The following CHSY3 variants were observed in gnomAD, a reference collection of about 807,000 sequenced individuals.
CHSY3 encodes the protein N-acetylgalactosaminyl-proteoglycan 3-beta-glucuronosyltransferase 3.
CHSY3 carries 35 observed loss-of-function variants against 67.2 expected under a neutral mutation model. The ratio of observed to expected loss-of-function variants is 0.52; its 90% CI spans 0.40 to 0.69. The LOEUF (loss-of-function observed/expected upper bound fraction) is 0.69. Among genes scored for constraint, CHSY3 ranks in the 30% least tolerant of loss-of-function variants. The pLI, the probability that CHSY3 is intolerant of heterozygous loss-of-function variation, is 0.00. For synonymous variants in CHSY3, 474 were observed against 434.7 expected, an observed-to-expected ratio of 1.09 and a Z score of -1.12; for missense variants, 1,069 against 1,138.5, an observed-to-expected ratio of 0.94 and a Z score of 0.88.
At chr5:129,904,208 C>T (rs1476937713), upstream of CHSY3, among the ~76,000 whole-genome samples, 3 of 151,332 alleles carry the variant, frequency 2.0e-5, no homozygotes, top group South Asian at 6.2e-4. Flanking sequence ...GGGGCGTCGG[C>T]GCTGCAAGCC....
chr5:130,043,018 A>G (rs754917067), intron 2 of CHSY3, among the ~76,000 whole-genome samples: 4 of 152,048 alleles, frequency 2.6e-5, no homozygotes, highest in Non-Finnish European at 5.9e-5. Context: ...AAAGCTGGAA[A>G]TTTTTGCAAA....
At chr5:129,907,630 T>C (rs1760361329) in intron 1 of CHSY3, among the ~76,000 whole-genome samples, 1 of 152,194 alleles carries the variant, frequency 6.6e-6, no homozygotes, top group African/African-American at 2.4e-5. Flanking sequence ...GACTGAAGTT[T>C]AGTTAATGGC....
chr5:129,955,984 C>G (rs975590558), intron 2 of CHSY3, among the ~76,000 whole-genome samples: 4 of 152,066 alleles, frequency 2.6e-5, no homozygotes, highest in African/African-American at 9.7e-5. Flanking sequence ...CTATCATAAG[C>G]AGTGAACCTA....
At chr5:130,006,758 C>T (rs993341925) in intron 2 of CHSY3, among the ~76,000 whole-genome samples, 3 of 152,250 alleles carry the variant, frequency 2.0e-5, no homozygotes, top group African/African-American at 7.2e-5. Context: ...CATTTATTTT[C>T]AGTTGCATAT....
At chr5:129,940,316 G>T (rs1761659198) in intron 2 of CHSY3, among the ~76,000 whole-genome samples, 1 of 152,060 alleles carries the variant, frequency 6.6e-6, no homozygotes, top group South Asian at 2.1e-4. Flanking sequence ...AAGATGTGAT[G>T]AATCTTTTGA....
intron 2 of CHSY3, among the ~76,000 whole-genome samples, chr5:130,126,293 T>TA (rs397945420): frequency 0.16 from 23,572 of 146,602 alleles, 1,980 homozygotes; most frequent in East Asian, 0.27. Context: ...TAGGCTGAGT[T>TA]AAAAAAAAAA....
At chr5:130,067,029 A>G (rs1202804090) in intron 2 of CHSY3, among the ~76,000 whole-genome samples, 1 of 152,144 alleles carries the variant, frequency 6.6e-6, no homozygotes, top group Non-Finnish European at 1.5e-5. Flanking sequence ...TCCTGTCTGC[A>G]TTTCATTTTT....
chr5:130,101,355 A>G (rs1028351658), intron 2 of CHSY3, among the ~76,000 whole-genome samples: 1 of 152,208 alleles, frequency 6.6e-6, no homozygotes, highest in Non-Finnish European at 1.5e-5. Flanking sequence ...TTCAGCAGTT[A>G]TTACAAGCTT....
intron 2 of CHSY3, among the ~76,000 whole-genome samples, chr5:129,908,842 A>T (rs1038409837): frequency 9.9e-5 from 15 of 152,264 alleles, no homozygotes; most frequent in Admixed American, 7.2e-4. Flanking sequence ...TGGAAATTTA[A>T]CATATTTTTA....
intron 2 of CHSY3, among the ~76,000 whole-genome samples, chr5:130,018,917 T>C (rs771064602): frequency 6.6e-6 from 1 of 152,114 alleles, no homozygotes; most frequent in Non-Finnish European, 1.5e-5. Flanking sequence ...AAAGCCAGGA[T>C]GCCCTCAGGC....
chr5:130,157,151 T>C (rs897672857), intron 2 of CHSY3, among the ~76,000 whole-genome samples: 1 of 152,160 alleles, frequency 6.6e-6, no homozygotes, highest in Non-Finnish European at 1.5e-5. Context: ...ATGACTCAGG[T>C]AAATTTACAG....
rs964237010 is a variant in CHSY3 at position 130,177,437 on chromosome 5, T to C, written c.1087-6792T>C. On this transcript the variant is annotated intron_variant, in intron 2 of 2. Coordinates refer to ENST00000305031, the MANE Select transcript of CHSY3 (RefSeq NM_175856.5). ...TGCTTGGGAATAACAAATCTATTAA[T>C]AGTTCTCTGAGAAATGAGCTTGAAA... is the stretch of plus-strand genomic sequence containing the variant. Among the ~76,000 whole-genome samples the C allele has an allele frequency of 3.3e-5, 5 of 152,240 alleles. No individual in the cohort carries two copies. In the South Asian group the frequency reaches 1.0e-3, roughly 32 times the overall value.
chr5:129,991,229 G>A (rs1480321889), intron 2 of CHSY3, among the ~76,000 whole-genome samples: 2 of 152,136 alleles, frequency 1.3e-5, no homozygotes, highest in Non-Finnish European at 2.9e-5. Context: ...TTGGAGGAAG[G>A]TGATGCTGGA....
chr5:130,046,652 G>A (rs915237897), intron 2 of CHSY3, among the ~76,000 whole-genome samples: 1 of 151,132 alleles, frequency 6.6e-6, no homozygotes. Flanking sequence ...GCTAATCATC[G>A]GCATTGGAAC....
intron 2 of CHSY3, among the ~76,000 whole-genome samples, chr5:130,175,612 A>C (rs1365344431): frequency 6.6e-6 from 1 of 152,216 alleles, no homozygotes; most frequent in Non-Finnish European, 1.5e-5. Context: ...ACTATACTAC[A>C]AGGCTACAGT....
At chr5:129,907,947 T>G in intron 1 of CHSY3, 130 bp from the exon 2 acceptor site, 1 of 1,432,988 alleles carries the variant, frequency 7.0e-7, no homozygotes, top group Non-Finnish European at 9.2e-7. Flanking sequence ...TGGAAGAGGC[T>G]TTTTCTTCTT....
intron 2 of CHSY3, among the ~76,000 whole-genome samples, chr5:129,984,567 T>A (rs936107993): frequency 1.3e-5 from 2 of 152,202 alleles, no homozygotes; most frequent in Non-Finnish European, 2.9e-5. Flanking sequence ...GGTCAAATGT[T>A]AATTCTATTT....
In CHSY3 at chr5:130,155,847, C is replaced by T. The variant is rs77467143; in HGVS notation, c.1087-28382C>T. 9.8e-3 allele frequency among the ~76,000 whole-genome samples: 1,485 copies of T among 152,240 alleles called. 30 individuals carry two copies. The highest frequency in any genetic ancestry group is 0.034 in the African/African-American group (1,411 of 41,566). On this transcript the variant is annotated intron_variant, in intron 2 of 2. Coordinates refer to ENST00000305031, the MANE Select transcript of CHSY3 (RefSeq NM_175856.5). ...AGTGAGATTCTATTAAGCAGCTGTT[C>T]GGCTCTAGTAAGAGCTGCCTCAGTA...
chr5:129,942,805 G>T (rs1761737358), intron 2 of CHSY3, among the ~76,000 whole-genome samples: 1 of 152,132 alleles, frequency 6.6e-6, no homozygotes, highest in Non-Finnish European at 1.5e-5. Context: ...TTGGCAGATA[G>T]AATTTACATT....
Sources: allele counts gnomAD v4.1 joint callset (sites outside exome capture counted in the v4.1 genomes callset), GRCh38; gene constraint gnomAD v4.1.1; transcripts MANE v1.5; gene names NCBI Gene and HGNC (gene_info 2026-07-23, HGNC 2026-07-21).